Variants in LPCAT2 observed in about 807,000 individuals in gnomAD.
The protein encoded by LPCAT2 is lysophosphatidylcholine acyltransferase 2, also known as 1-AGP acyltransferase 11.
In LPCAT2, 58 loss-of-function variants were observed where a neutral mutation model predicts 64.7. The observed-to-expected ratio is 0.90, with a 90% CI of 0.73 to 1.12. The LOEUF (loss-of-function observed/expected upper bound fraction) is 1.12, where lower values mean the gene tolerates loss of function less well. Ranked by LOEUF, LPCAT2 falls within the 50% of genes most tolerant of loss-of-function variation. The probability of loss-of-function intolerance (pLI) is 0.00; values close to 1 mark genes in which losing one functional copy is unlikely to be tolerated. For synonymous variants in LPCAT2, 252 were observed against 245.3 expected (o/e 1.03, Z -0.26); for missense variants, 579 against 669.8 (o/e 0.86, Z 1.50).
chr16:55,517,145 A>G (rs1207625194), intron 1 of LPCAT2, among the ~76,000 whole-genome samples: 1 of 152,084 alleles, frequency 6.6e-6, no homozygotes, highest in Non-Finnish European at 1.5e-5. Flanking sequence ...ATGAAAGAAG[A>G]CTCAAATTAA....
chr16:55,573,394 G>GTTTTT (rs71379092), intron 11 of LPCAT2, among the ~76,000 whole-genome samples: 1 of 147,570 alleles, frequency 6.8e-6, no homozygotes. Flanking sequence ...TTGTTTTTTT[G>GTTTTT]TTTTTTTTTT....
intron 8 of LPCAT2, among the ~76,000 whole-genome samples, chr16:55,543,322 A>G: frequency 6.6e-6 from 1 of 152,326 alleles, no homozygotes; most frequent in South Asian, 2.1e-4. Context: ...GCACTAATAT[A>G]AAACCAAACC....
intron 6 of LPCAT2, 35 bp from the exon 7 acceptor site, chr16:55,534,408 C>T (rs374508620): frequency 7.2e-7 from 1 of 1,392,620 alleles, no homozygotes. Context: ...TATTTTTCCT[C>T]CAGACCAACA....
chr16:55,539,236 G>A (rs1475745832), intron 8 of LPCAT2: 1 of 129,432 alleles, frequency 7.7e-6, no homozygotes, highest in South Asian at 2.7e-4. Flanking sequence ...TCCTTTCTGT[G>A]TCATGGCTTT....
intron 6 of LPCAT2, among the ~76,000 whole-genome samples, chr16:55,534,011 A>G (rs1269554979): frequency 6.6e-6 from 1 of 152,164 alleles, no homozygotes; most frequent in East Asian, 1.9e-4. Context: ...ATTAAAATCT[A>G]TCAAACTTTT....
At position 55,516,434 on chromosome 16, in the gene LPCAT2, A is replaced by G. The variant is rs111454424; in HGVS notation, c.171+7082A>G. 6.1e-3 allele frequency among the ~76,000 whole-genome samples: 934 copies of G among 152,304 alleles called. 10 individuals carry two copies. The highest frequency in any genetic ancestry group is 0.021 in the African/African-American group (884 of 41,564). On this transcript the variant is annotated intron_variant, in intron 1 of 13. Coordinates refer to ENST00000262134, the MANE Select transcript of LPCAT2 (RefSeq NM_017839.5). ...GACATACTTTTGATTCAAATACACAAATAGGTTGGAAGTAAAAAGATGGAA... is the reference window on the plus strand; with the variant it reads ...GACATACTTTTGATTCAAATACACAGATAGGTTGGAAGTAAAAAGATGGAA...
chr16:55,529,821 C>T lies in LPCAT2; in HGVS notation c.530-14C>T, dbSNP rs773530282. 1.3e-6 allele frequency: 2 copies of T among 1,562,346 alleles called. No individual in the cohort carries two copies. The highest frequency in any genetic ancestry group is 1.7e-6 in the Non-Finnish European group (2 of 1,150,892). ...AAAAAATGGCTTGCCTGTAACTTTT[C>T]ATTTGTTTTAAAGGACTGTTACGGG... is the stretch of plus-strand genomic sequence containing the variant. On this transcript the variant is annotated splice_polypyrimidine_tract_variant and intron_variant, in intron 3 of 13. Transcript: ENST00000262134.
At chr16:55,552,608 C>T (rs1393257) in intron 11 of LPCAT2, among the ~76,000 whole-genome samples, 55,231 of 151,990 alleles carry the variant, frequency 0.36, 12,151 homozygotes, top group Non-Finnish European at 0.48. Flanking sequence ...GGGAGTATCA[C>T]AATAAAGTGA....
chr16:55,517,892 G>A (rs1963035914), intron 1 of LPCAT2, among the ~76,000 whole-genome samples: 1 of 152,116 alleles, frequency 6.6e-6, no homozygotes, highest in South Asian at 2.1e-4. Flanking sequence ...TCTAAGATAA[G>A]GAATAAGACA....
At chr16:55,512,009 A>G (rs764777057) in intron 1 of LPCAT2, among the ~76,000 whole-genome samples, 7 of 152,168 alleles carry the variant, frequency 4.6e-5, no homozygotes, top group Admixed American at 2.6e-4. Context: ...TCCCCAGTAT[A>G]CCACCATACT....
chr16:55,533,419 T>G (rs1169151705), intron 6 of LPCAT2, among the ~76,000 whole-genome samples: 7 of 143,560 alleles, frequency 4.9e-5, no homozygotes, highest in Non-Finnish European at 7.6e-5. Context: ...TTTTTTTTTT[T>G]TTTTTTTTTG....
chr16:55,551,258 A>C (rs1227564179), intron 11 of LPCAT2, 156 bp downstream of exon 11: 1 of 452,648 alleles, frequency 2.2e-6, no homozygotes, highest in Non-Finnish European at 3.8e-6. Context: ...TTTCTCCTTA[A>C]TAGTAATATT....
intron 1 of LPCAT2, among the ~76,000 whole-genome samples, chr16:55,512,800 T>TC (rs1433223386): frequency 9.9e-5 from 15 of 152,130 alleles, no homozygotes; most frequent in Non-Finnish European, 1.5e-5. Context: ...GGCAAACATC[T>TC]CAGGCTTTAC....
intron 6 of LPCAT2, 136 bp downstream of exon 6, chr16:55,533,018 C>A: frequency 1.7e-6 from 1 of 605,232 alleles, no homozygotes; most frequent in East Asian, 3.1e-5. Flanking sequence ...ATTCTGCTCG[C>A]CACATCTAGT....
chr16:55,519,624 T>G (rs568510645), intron 1 of LPCAT2, among the ~76,000 whole-genome samples: 2 of 152,190 alleles, frequency 1.3e-5, no homozygotes, highest in East Asian at 3.9e-4. Flanking sequence ...CTGGAAATGG[T>G]AAATATGGAA....
Position 55,542,303 on chromosome 16 carries a change from T to C in LPCAT2, c.853-3432T>C, listed in dbSNP as rs868182702. Among the ~76,000 whole-genome samples the C allele has an allele frequency of 8.5e-5, 13 of 152,164 alleles. No homozygotes were observed. In the Middle Eastern group the frequency reaches 0.01, roughly 119 times the overall value. On this transcript the variant is annotated intron_variant, in intron 8 of 13. Transcript: ENST00000262134. ...CTCCTCCTCATCTGGGACAGGATGG[T>C]GCAAAGTTAAGTATGGGGAAGGTAC...
chr16:55,565,846 A>G (rs1963689429), intron 11 of LPCAT2, among the ~76,000 whole-genome samples: 2 of 152,154 alleles, frequency 1.3e-5, no homozygotes, highest in African/African-American at 2.4e-5. Flanking sequence ...TTAAAATAGT[A>G]TATTTTATGG....
Position 55,582,993 on chromosome 16 carries a change from T to C in LPCAT2, c.1530T>C (p.His510=). Residue 510 remains histidine, a synonymous_variant, in exon 14 of 14, where the codon CAT becomes CAC. Transcript: ENST00000262134. Reference sequence around the variant, plus strand: ...CATACCTAGACCTCCAGACGTGCCATGTGTTTTCATTACCAAAAGAAGTCC... The same window carrying C: ...CATACCTAGACCTCCAGACGTGCCACGTGTTTTCATTACCAAAAGAAGTCC... The part of the protein sequence containing the change: ...FTTYLDLQTC[H]VFSLPKEVQT... 6.2e-7 allele frequency: 1 copy of C among 1,613,746 alleles called. No homozygotes were observed. The highest frequency in any genetic ancestry group is 8.5e-7 in the Non-Finnish European group (1 of 1,179,758).
At chr16:55,558,249 C>A (rs7189685) in intron 11 of LPCAT2, among the ~76,000 whole-genome samples, 13,374 of 152,246 alleles carry the variant, frequency 0.088, 839 homozygotes, top group African/African-American at 0.17. Context: ...AGACACTTAA[C>A]AAGATTAGGA....
Sources: gnomAD v4.1 joint callset for allele counts (sites outside exome capture counted in the v4.1 genomes callset) on GRCh38, gnomAD v4.1.1 for gene constraint, MANE v1.5 for transcripts, NCBI Gene and HGNC (gene_info 2026-07-23, HGNC 2026-07-21) for gene names.